The following TYRO3 variants were observed in gnomAD, a reference collection of about 807,000 sequenced individuals.
The protein encoded by TYRO3 is TYRO3 protein tyrosine kinase, also known as tyrosine-protein kinase receptor TYRO3.
In TYRO3, 38 loss-of-function variants were observed where a neutral mutation model predicts 95.2. The ratio of observed to expected loss-of-function variants is 0.40; its 90% CI spans 0.31 to 0.52. TYRO3 has a LOEUF of 0.52. TYRO3 is among the 20% of genes least tolerant of loss of function. TYRO3 has a pLI of 0.56. For synonymous variants in TYRO3, 367 were observed against 432.9 expected (o/e 0.85, Z 1.89); for missense variants, 812 against 1,116.4 (o/e 0.73, Z 3.89).
At chr15:41,570,799 C>T (rs918843948) in intron 12 of TYRO3, 100 bp downstream of exon 12, 7 of 1,193,000 alleles carry the variant, frequency 5.9e-6, no homozygotes, top group Non-Finnish European at 6.2e-6. Context: ...GGTCGGTTGC[C>T]GTAAACAAGA....
chr15:41,574,648 T>G (rs1254336332), intron 18 of TYRO3: 1 of 455,954 alleles, frequency 2.2e-6, no homozygotes, highest in Non-Finnish European at 4.4e-6. Flanking sequence ...GTGATTTGTC[T>G]GTTCTAGTCT....
In TYRO3 at chr15:41,573,474, A is replaced by C; in HGVS notation, c.2145+7A>C. On this transcript the variant is annotated splice_region_variant and intron_variant, in intron 17 of 18. Coordinates refer to ENST00000263798, the MANE Select transcript of TYRO3 (RefSeq NM_006293.4). ...TACTGTGCAGAGTGACGTGGTGAGC[A>C]GGGTGGCCCGTGAAGCTTGGTGGGG... 14 of 1,038,678 alleles carry C rather than the reference A, an allele frequency of 1.3e-5. No homozygotes were observed. The highest frequency in any genetic ancestry group is 1.8e-5 in the Non-Finnish European group (13 of 711,162). The allele number at this position is 1,038,678 out of a possible 1,614,324, so 64.3% of individuals were successfully genotyped here.
At chr15:41,564,099 A>G in intron 4 of TYRO3, 85 bp from the exon 5 acceptor site, 1 of 1,284,104 alleles carries the variant, frequency 7.8e-7, no homozygotes, top group Non-Finnish European at 1.1e-6. Context: ...GGATGTTCAG[A>G]CCAGAGCCTG....
chr15:41,560,420 TGTGTGTGTGC>T (rs1233540725), intron 1 of TYRO3, among the ~76,000 whole-genome samples: 5 of 143,604 alleles, frequency 3.5e-5, no homozygotes, highest in African/African-American at 1.1e-4. Context: ...TGTGTGTGTG[TGTGTGTGTGC>T]GCGCGCGCGC....
At chr15:41,560,430 C>CGT (rs1566897365) in intron 1 of TYRO3, among the ~76,000 whole-genome samples, 3 of 113,180 alleles carry the variant, frequency 2.7e-5, no homozygotes, top group Non-Finnish European at 3.7e-5. Flanking sequence ...TGTGTGTGTG[C>CGT]GCGCGCGCGC....
At chr15:41,570,837 T>A in intron 12 of TYRO3, 138 bp downstream of exon 12, 1 of 936,320 alleles carries the variant, frequency 1.1e-6, no homozygotes, top group East Asian at 2.5e-5. Context: ...GAGTGTGGGA[T>A]GTTTGTGGGG....
intron 9 of TYRO3, among the ~76,000 whole-genome samples, chr15:41,569,297 TA>T (rs35205912): frequency 0.44 from 60,475 of 138,374 alleles, 12,944 homozygotes; most frequent in East Asian, 0.78. Flanking sequence ...ACAAAAAAAT[TA>T]AAAAAAAAAA....
At chr15:41,567,327 C>A (rs540019956) in intron 6 of TYRO3, 33 bp from the exon 7 acceptor site, 3 of 1,480,024 alleles carry the variant, frequency 2.0e-6, no homozygotes. Context: ...CACAGGCTCT[C>A]CCCTACATCA....
intron 13 of TYRO3, 82 bp downstream of exon 13, chr15:41,571,200 G>GC (rs2055791703): frequency 1.5e-6 from 2 of 1,378,394 alleles, no homozygotes; most frequent in Admixed American, 3.5e-5. Context: ...GCTCTGCTTT[G>GC]CCCCTAGATT....
Position 41,562,601 on chromosome 15 carries a change from C to G in TYRO3, c.463C>G (p.Pro155Ala). The G allele has an allele frequency of 6.2e-7, 1 of 1,613,712 alleles. No homozygotes were observed. ...AGATCTGGCAGTGCCACCCAATGCCCCTTTCCAACTGTCTTGTGAGGCTGT... is the reference window on the plus strand; with the variant it reads ...AGATCTGGCAGTGCCACCCAATGCCGCTTTCCAACTGTCTTGTGAGGCTGT... ...PKDLAVPPNA[P>A]FQLSCEAVGP... The change falls in exon 4 of 19, where the codon CCT (proline) becomes GCT (alanine). Residue 155 changes from proline (P) to alanine (A), a missense_variant. Physicochemically the swap from Pro to Ala is conservative, Grantham distance 27. Coordinates refer to ENST00000263798, the MANE Select transcript of TYRO3 (RefSeq NM_006293.4).
In TYRO3 at chr15:41,578,371, G is replaced by A. The variant is rs1253559126; in HGVS notation, c.*95G>A. The A allele has an allele frequency of 2.7e-6, 4 of 1,489,942 alleles. No homozygotes were observed. Among genetic ancestry groups the A allele is most frequent in the African/African-American group, 1.4e-5 (1 of 71,884 alleles). The allele number at this position is 1,489,942 out of a possible 1,614,324, so 92.3% of individuals were successfully genotyped here. On this transcript the variant is annotated 3_prime_UTR_variant, in exon 19 of 19. Transcript: ENST00000263798. Reference sequence around the variant, plus strand: ...GTCTGACCCCAGCCCAGACAGCAAGGTGTGGAGGCTCCTGTGGTAGTCCTC... The same window carrying A: ...GTCTGACCCCAGCCCAGACAGCAAGATGTGGAGGCTCCTGTGGTAGTCCTC...
intron 1 of TYRO3, 50 bp from the exon 2 acceptor site, chr15:41,561,077 A>G: frequency 2.3e-6 from 3 of 1,331,266 alleles, no homozygotes; most frequent in South Asian, 1.2e-5. Context: ...AACTGTTTAC[A>G]GAGACAGAGT....
chr15:41,561,277 C>T lies in TYRO3; in HGVS notation c.275C>T (p.Pro92Leu). ...VVQNLDQLYIPVSEQHWIGFL... is the reference protein window; with the variant it reads ...VVQNLDQLYILVSEQHWIGFL... ...CAGAACTTGGACCAGTTGTACATCC[C>T]AGTCAGCGAGCAGCACTGGATCGGC... is the stretch of plus-strand genomic sequence containing the variant. Residue 92 changes from proline to leucine, a missense_variant, in exon 2 of 19, where the codon CCA (proline) becomes CTA (leucine). Physicochemically the swap from Pro to Leu is moderately conservative, Grantham distance 98 (BLOSUM62 -3). Transcript: ENST00000263798. 6.2e-7 allele frequency: 1 copy of T among 1,613,994 alleles called. No homozygotes were observed. Among genetic ancestry groups the T allele is most frequent in the Non-Finnish European group, 8.5e-7 (1 of 1,179,900 alleles).
Position 41,564,201 on chromosome 15 carries a change from A to T in TYRO3, c.598A>T (p.Met200Leu), listed in dbSNP as rs769976823. Reference sequence around the variant, plus strand: ...GGCCCCAGGGGTGACCCAGAGCACCATGTTTTCCTGTGAAGCTCACAACCT... The same window carrying T: ...GGCCCCAGGGGTGACCCAGAGCACCTTGTTTTCCTGTGAAGCTCACAACCT... ...LNVTGVTQST[M>L]FSCEAHNLKG... The change falls in exon 5 of 19, where the codon ATG becomes TTG. Residue 200 changes from methionine to leucine, a missense_variant. Coordinates refer to ENST00000263798, the MANE Select transcript of TYRO3 (RefSeq NM_006293.4). 1 of 1,614,076 alleles carries T rather than the reference A, an allele frequency of 6.2e-7. No individual in the cohort carries two copies.
At position 41,571,630 on chromosome 15, in the gene TYRO3, C is replaced by G; in HGVS notation, c.1696C>G (p.Leu566Val). The G allele has an allele frequency of 6.2e-7, 1 of 1,613,960 alleles. No homozygotes were observed. Among genetic ancestry groups the G allele is most frequent in the Non-Finnish European group, 8.5e-7 (1 of 1,179,870 alleles). ...IIASSDIEEF[L>V]REAACMKEFD... ...TGCCTCAAGCGACATTGAAGAGTTC[C>G]TCAGGGAAGCAGCTTGCATGAAGGA... Residue 566 changes from leucine to valine, a missense_variant, in exon 14 of 19, where the codon CTC becomes GTC. Leu to Val is a conservative substitution (Grantham distance 32, BLOSUM62 1). Transcript: ENST00000263798.
At position 41,559,308 on chromosome 15, in the gene TYRO3, G is replaced by GCCGCCGCCA. The variant is rs2052129244; in HGVS notation, c.56_64dup (p.Pro19_Pro21dup). The GCCGCCGCCA allele has an allele frequency of 1.5e-6, 1 of 645,818 alleles. No homozygotes were observed. The highest frequency in any genetic ancestry group is 2.1e-5 in the African/African-American group (1 of 48,518). The allele number at this position is 645,818 out of a possible 1,614,324, so 40.0% of individuals were successfully genotyped here. On this transcript the variant is annotated inframe_insertion, in exon 1 of 19. Transcript: ENST00000263798. Reference sequence around the variant, plus strand: ...GGCCGGGGCTCCCGCCGCTGCCGCTGCCGCCGCCACCGCGGCTCGGGCTGC... The same window carrying GCCGCCGCCA: ...GGCCGGGGCTCCCGCCGCTGCCGCTGCCGCCGCCACCGCCGCCACCGCGGCTCGGGCTGC...
In TYRO3 at chr15:41,580,471, C is replaced by G. The variant is rs1201395747; in HGVS notation, c.*2195C>G. On this transcript the variant is annotated 3_prime_UTR_variant, in exon 19 of 19. Transcript: ENST00000263798. ...TTGCAGTGAGTCGAGATCCCGGCAG[C>G]CTAGGTGACAGGCGAGACTCCATCT... 1 of 151,862 alleles carries G rather than the reference C, an allele frequency of 6.6e-6. No individual in the cohort carries two copies. The highest frequency in any genetic ancestry group is 1.5e-5 in the Non-Finnish European group (1 of 68,006). The allele number at this position is 151,862 out of a possible 1,614,324, so 9.4% of individuals were successfully genotyped here. A position where few individuals can be genotyped will look rare whatever the true frequency, so the allele number is the denominator to read the frequency against.
rs200543540 is a variant in TYRO3, at chr15:41,573,741, C to G, written c.2208C>G (p.Ile736Met). The G allele has an allele frequency of 6.2e-7, 1 of 1,614,260 alleles. No individual in the cohort carries two copies. Residue 736 changes from isoleucine (I) to methionine (M), a missense_variant, in exon 18 of 19, where the codon ATC (isoleucine) becomes ATG (methionine). Ile to Met is a conservative substitution (Grantham distance 10). Coordinates refer to ENST00000263798, the MANE Select transcript of TYRO3 (RefSeq NM_006293.4). ...GTGGGCAGACGCCATATGCTGGCATCGAAAACGCTGAGATTTACAACTACC... is the reference window on the plus strand; with the variant it reads ...GTGGGCAGACGCCATATGCTGGCATGGAAAACGCTGAGATTTACAACTACC... ...MTRGQTPYAG[I>M]ENAEIYNYLI...
intron 16 of TYRO3, 69 bp downstream of exon 16, chr15:41,573,180 G>C (rs1369814223): frequency 1.4e-6 from 2 of 1,421,882 alleles, no homozygotes; most frequent in African/African-American, 2.8e-5. Flanking sequence ...CTGATGGTCG[G>C]CTCCTGCCTG....
Sources: gnomAD v4.1 joint callset for allele counts (sites outside exome capture counted in the v4.1 genomes callset) on GRCh38, gnomAD v4.1.1 for gene constraint, MANE v1.5 for transcripts, NCBI Gene and HGNC (gene_info 2026-07-23, HGNC 2026-07-21) for gene names.